Variants in PTPRK observed in about 807,000 individuals in gnomAD.
The protein encoded by PTPRK is receptor-type tyrosine-protein phosphatase kappa.
In PTPRK, 75 loss-of-function variants were observed where a neutral mutation model predicts 178.0. That is an observed-to-expected ratio of 0.42 (90% confidence interval 0.35 to 0.51). The LOEUF is 0.51. Among genes scored for constraint, PTPRK ranks in the 20% least tolerant of loss-of-function variants. The pLI, the probability that PTPRK is intolerant of heterozygous loss-of-function variation, is 0.02. For missense variants in PTPRK, 1,441 were observed against 1,797.8 expected (o/e 0.80, Z 3.59); for synonymous variants, 637 against 620.6 (o/e 1.03, Z -0.39).
chr6:128,297,279 G>A (rs1031365030), intron 3 of PTPRK, among the ~76,000 whole-genome samples: 2 of 152,120 alleles, frequency 1.3e-5, no homozygotes, highest in African/African-American at 4.8e-5. Context: ...AATAATGGGA[G>A]ACTTTAACAC....
intron 25 of PTPRK, among the ~76,000 whole-genome samples, chr6:127,979,992 T>C (rs1409760538): frequency 6.6e-6 from 1 of 151,916 alleles, no homozygotes. Context: ...GCCTGGCCAA[T>C]GTGGTGAAAT....
chr6:128,066,623 A>C (rs1056627010), intron 12 of PTPRK, among the ~76,000 whole-genome samples: 44 of 152,084 alleles, frequency 2.9e-4, no homozygotes, highest in African/African-American at 1.0e-3. Flanking sequence ...AGTCTATTAA[A>C]ATGTCATCAT....
At chr6:128,151,559 T>TA (rs879399047) in intron 7 of PTPRK, among the ~76,000 whole-genome samples, 9 of 148,998 alleles carry the variant, frequency 6.0e-5, no homozygotes, top group Non-Finnish European at 9.0e-5. Context: ...GATAGTTATT[T>TA]AAAAAAAAAA....
intron 2 of PTPRK, among the ~76,000 whole-genome samples, chr6:128,390,109 A>G (rs1282582511): frequency 1.3e-5 from 2 of 152,138 alleles, no homozygotes; most frequent in Admixed American, 1.3e-4. Flanking sequence ...GGAAGAGCAC[A>G]TTGAAATAAG....
At chr6:128,142,883 C>T (rs1471404744) in intron 7 of PTPRK, among the ~76,000 whole-genome samples, 1 of 151,874 alleles carries the variant, frequency 6.6e-6, no homozygotes, top group Admixed American at 6.6e-5. Context: ...ATATTTTAAA[C>T]CAAAACCAAG....
chr6:127,990,939 C>A, intron 20 of PTPRK, 54 bp from the exon 21 acceptor site: 1 of 1,070,914 alleles, frequency 9.3e-7, no homozygotes, highest in Non-Finnish European at 1.4e-6. Context: ...ACTAATTAGC[C>A]AAGGTGATTT....
intron 3 of PTPRK, among the ~76,000 whole-genome samples, chr6:128,263,397 G>A (rs566610152): frequency 5.9e-5 from 9 of 152,248 alleles, no homozygotes; most frequent in Admixed American, 4.6e-4. Context: ...ACAGATCATG[G>A]TTTGTGGCAC....
chr6:128,227,318 A>G (rs373063576), intron 5 of PTPRK, among the ~76,000 whole-genome samples: 1 of 152,204 alleles, frequency 6.6e-6, no homozygotes, highest in East Asian at 1.9e-4. Context: ...GACAAATGCA[A>G]TGAAACCACC....
intron 13 of PTPRK, among the ~76,000 whole-genome samples, chr6:128,015,701 C>G (rs1001688918): frequency 1.9e-4 from 29 of 151,856 alleles, no homozygotes; most frequent in African/African-American, 5.1e-4. Flanking sequence ...CATTCATATA[C>G]TCTTATCATT....
At chr6:128,106,603 C>G (rs1789759491) in intron 7 of PTPRK, among the ~76,000 whole-genome samples, 1 of 152,064 alleles carries the variant, frequency 6.6e-6, no homozygotes, top group South Asian at 2.1e-4. Flanking sequence ...CTGCTAAACA[C>G]AAAGCTTTTC....
At position 128,481,345 on chromosome 6, in the gene PTPRK, G is replaced by C. The variant is rs1455103701; in HGVS notation, c.100+38914C>G. Among the ~76,000 whole-genome samples the C allele has an allele frequency of 2.0e-5, 3 of 151,832 alleles. 1 individual carries two copies. The East Asian group carries it at 5.8e-4, about 29-fold the overall frequency. On this transcript the variant is annotated intron_variant, in intron 1 of 29. Transcript: ENST00000368226. ...AAATTCTATATCTTTTTTCATATTTGCAATTTTGCATACCAAATGCTCTGC... is the reference window on the plus strand; with the variant it reads ...AAATTCTATATCTTTTTTCATATTTCCAATTTTGCATACCAAATGCTCTGC...
intron 7 of PTPRK, among the ~76,000 whole-genome samples, chr6:128,111,284 A>G (rs994162997): frequency 6.6e-6 from 1 of 152,190 alleles, no homozygotes; most frequent in South Asian, 2.1e-4. Flanking sequence ...CAGTTTGCCA[A>G]AAGTACTTTC....
In PTPRK at chr6:128,245,734, G is replaced by A. The variant is rs146850413; in HGVS notation, c.496-3132C>T. ...TTTACATTTCACATAAATGTATTTGGTGGGAACATAATTCCCATGTCATTT... is the reference window on the plus strand; with the variant it reads ...TTTACATTTCACATAAATGTATTTGATGGGAACATAATTCCCATGTCATTT... On this transcript the variant is annotated intron_variant, in intron 3 of 29. Coordinates refer to ENST00000368226, the MANE Select transcript of PTPRK (RefSeq NM_002844.4). Among the ~76,000 whole-genome samples the A allele has an allele frequency of 2.1e-3, 319 of 152,242 alleles. 3 individuals are homozygous for A. Among genetic ancestry groups the A allele is most frequent in the African/African-American group, 7.1e-3 (295 of 41,530 alleles).
At chr6:128,213,932 C>A (rs1808732530) in intron 6 of PTPRK, among the ~76,000 whole-genome samples, 1 of 152,100 alleles carries the variant, frequency 6.6e-6, no homozygotes, top group Non-Finnish European at 1.5e-5. Flanking sequence ...GTCATCATCA[C>A]TTCCTTTATG....
chr6:128,276,550 T>C (rs1738290), intron 3 of PTPRK, among the ~76,000 whole-genome samples: 11,065 of 152,136 alleles, frequency 0.073, 954 homozygotes, highest in African/African-American at 0.21. Context: ...CATTTATATA[T>C]TTCTTATTAG....
intron 7 of PTPRK, among the ~76,000 whole-genome samples, chr6:128,157,854 A>G (rs1229145958): frequency 6.6e-6 from 1 of 152,048 alleles, no homozygotes; most frequent in Non-Finnish European, 1.5e-5. Flanking sequence ...TCAGATGGGT[A>G]GATTGCAAAA....
chr6:128,268,185 C>G (rs750565722), intron 3 of PTPRK, among the ~76,000 whole-genome samples: 1 of 151,918 alleles, frequency 6.6e-6, no homozygotes, highest in Non-Finnish European at 1.5e-5. Context: ...TGAACCTTTC[C>G]CATTCTCATG....
chr6:128,248,912 A>T (rs944272040), intron 3 of PTPRK, among the ~76,000 whole-genome samples: 2 of 152,214 alleles, frequency 1.3e-5, no homozygotes, highest in Non-Finnish European at 1.5e-5. Flanking sequence ...TTTGGTAGCG[A>T]GTATTTGTGT....
chr6:128,205,440 G>T (rs1334033455), intron 6 of PTPRK, among the ~76,000 whole-genome samples: 1 of 151,900 alleles, frequency 6.6e-6, no homozygotes, highest in Non-Finnish European at 1.5e-5. Flanking sequence ...AAAACAAAAG[G>T]AAAGAAAGTG....
Sources: allele counts gnomAD v4.1 joint callset (sites outside exome capture counted in the v4.1 genomes callset), GRCh38; gene constraint gnomAD v4.1.1; transcripts MANE v1.5; gene names NCBI Gene and HGNC (gene_info 2026-07-23, HGNC 2026-07-21).